The following FNIP2 variants were observed in gnomAD, a reference collection of about 807,000 sequenced individuals.
FNIP2 encodes the protein folliculin interacting protein 2, also known as folliculin-interacting protein 2.
Under a neutral mutation model 108.7 loss-of-function variants are expected in FNIP2, and 32 were observed. The observed-to-expected ratio is 0.29, with a 90% CI of 0.22 to 0.40. FNIP2 has a LOEUF of 0.40. Ranked by LOEUF, FNIP2 falls within the 10% of genes least tolerant of loss-of-function variation. The probability of loss-of-function intolerance (pLI) is 1.00; values close to 1 mark genes in which losing one functional copy is unlikely to be tolerated. For synonymous variants in FNIP2, 480 were observed against 496.7 expected (o/e 0.97, Z 0.45); for missense variants, 1,202 against 1,381.6 (o/e 0.87, Z 2.06).
chr4:158,830,294 C>T (rs1463524484), intron 3 of FNIP2, among the ~76,000 whole-genome samples: 22 of 127,634 alleles, frequency 1.7e-4, no homozygotes, highest in South Asian at 5.0e-4. Flanking sequence ...CTCGCTCTGT[C>T]GCCCAGGCCG....
chr4:158,869,480 C>G, intron 13 of FNIP2, 52 bp downstream of exon 13: 3 of 1,500,482 alleles, frequency 2.0e-6, no homozygotes, highest in Non-Finnish European at 2.7e-6. Flanking sequence ...ATCCCACTTT[C>G]CTGGCCTGAC....
At chr4:158,843,670 T>A (rs137924762) in intron 7 of FNIP2, among the ~76,000 whole-genome samples, 153 of 152,230 alleles carry the variant, frequency 1.0e-3, no homozygotes, top group Non-Finnish European at 1.9e-3. Flanking sequence ...ACAAAGAGCA[T>A]CTTAGGTACG....
At chr4:158,883,375 G>A (rs1290182457) in intron 14 of FNIP2, among the ~76,000 whole-genome samples, 1 of 151,960 alleles carries the variant, frequency 6.6e-6, no homozygotes, top group East Asian at 1.9e-4. Context: ...CCGAGTAGCT[G>A]GGACTACAGG....
In FNIP2 at chr4:158,866,970, CTT is replaced by C. The variant is rs200546737; in HGVS notation, c.1466-1131_1466-1130del. 6.0e-3 allele frequency among the ~76,000 whole-genome samples: 907 copies of C among 152,292 alleles called. 6 individuals are homozygous for C. Among genetic ancestry groups the C allele is most frequent in the African/African-American group, 0.02 (838 of 41,572 alleles). On this transcript the variant is annotated intron_variant, in intron 12 of 16. Coordinates refer to ENST00000264433, the MANE Select transcript of FNIP2 (RefSeq NM_020840.3). Reference sequence around the variant, plus strand: ...GTCCATCTTCTTATCAAATGTGTAACTTATTATAAAATGTAATAATCAAATTA... The same window carrying C: ...GTCCATCTTCTTATCAAATGTGTAACATTATAAAATGTAATAATCAAATTA...
chr4:158,771,677 T>C (rs1775704116), intron 1 of FNIP2, among the ~76,000 whole-genome samples: 1 of 152,242 alleles, frequency 6.6e-6, no homozygotes, highest in Non-Finnish European at 1.5e-5. Flanking sequence ...TATCTGGAGA[T>C]TGAAAATTCA....
chr4:158,826,983 G>T (rs1778195500), intron 2 of FNIP2, among the ~76,000 whole-genome samples: 1 of 152,342 alleles, frequency 6.6e-6, no homozygotes, highest in Non-Finnish European at 1.5e-5. Flanking sequence ...GGGCCAAGGG[G>T]TTGTTTTCCT....
intron 1 of FNIP2, among the ~76,000 whole-genome samples, chr4:158,790,670 C>T (rs1776383025): frequency 6.6e-6 from 1 of 152,070 alleles, no homozygotes; most frequent in East Asian, 1.9e-4. Flanking sequence ...CCACTTGATC[C>T]CAGGAGTTCC....
intron 1 of FNIP2, among the ~76,000 whole-genome samples, chr4:158,797,862 A>G (rs1776638660): frequency 1.3e-5 from 2 of 152,122 alleles, no homozygotes; most frequent in East Asian, 1.9e-4. Context: ...CAGCCTTCCT[A>G]TCACTAGTGT....
At chr4:158,826,676 G>A (rs1778177268) in intron 2 of FNIP2, among the ~76,000 whole-genome samples, 1 of 152,096 alleles carries the variant, frequency 6.6e-6, no homozygotes, top group South Asian at 2.1e-4. Flanking sequence ...TGAGGATAGA[G>A]CAGCTCTTGA....
At chr4:158,845,109 C>T (rs1456982136) in intron 7 of FNIP2, among the ~76,000 whole-genome samples, 5 of 152,166 alleles carry the variant, frequency 3.3e-5, no homozygotes, top group African/African-American at 1.2e-4. Context: ...TCTTTGCAAC[C>T]TATATGCATT....
chr4:158,866,929 G>C (rs1780615937), intron 12 of FNIP2, among the ~76,000 whole-genome samples: 1 of 152,162 alleles, frequency 6.6e-6, no homozygotes, highest in South Asian at 2.1e-4. Flanking sequence ...GTAAACATAG[G>C]TTCTTTATTA....
At chr4:158,857,118 G>A (rs1780029191) in intron 8 of FNIP2, among the ~76,000 whole-genome samples, 1 of 152,196 alleles carries the variant, frequency 6.6e-6, no homozygotes, top group African/African-American at 2.4e-5. Context: ...ATAGGGTGGA[G>A]ATGTTGATGA....
intron 1 of FNIP2, among the ~76,000 whole-genome samples, chr4:158,812,150 C>T (rs1289370623): frequency 6.6e-6 from 1 of 152,172 alleles, no homozygotes. Context: ...CTGGACCTTG[C>T]TTGATGGCAA....
intron 16 of FNIP2, among the ~76,000 whole-genome samples, chr4:158,902,981 C>T (rs1729472878): frequency 6.6e-6 from 1 of 152,198 alleles, no homozygotes; most frequent in Non-Finnish European, 1.5e-5. Context: ...GCCCCCTTTC[C>T]AGGGGAGTGA....
chr4:158,879,170 C>T (rs1781448294), intron 14 of FNIP2, among the ~76,000 whole-genome samples: 1 of 150,302 alleles, frequency 6.7e-6, no homozygotes, highest in Non-Finnish European at 1.5e-5. Flanking sequence ...AGTAAGCACA[C>T]TGACTCCCAA....
chr4:158,817,263 T>G (rs1245564726), intron 1 of FNIP2, among the ~76,000 whole-genome samples: 3 of 152,212 alleles, frequency 2.0e-5, no homozygotes, highest in African/African-American at 7.2e-5. Flanking sequence ...CTTGTACTTT[T>G]CTCCTTCAGA....
At chr4:158,775,498 C>A (rs1775830854) in intron 1 of FNIP2, among the ~76,000 whole-genome samples, 1 of 151,328 alleles carries the variant, frequency 6.6e-6, no homozygotes, top group African/African-American at 2.4e-5. Context: ...CCCACCCCAT[C>A]TGTAAATGGA....
chr4:158,783,568 C>T (rs1432503807), intron 1 of FNIP2, among the ~76,000 whole-genome samples: 1 of 152,134 alleles, frequency 6.6e-6, no homozygotes, highest in Non-Finnish European at 1.5e-5. Flanking sequence ...GGATCTAGAC[C>T]AACTCTGCCT....
Position 158,869,352 on chromosome 4 carries a change from G to A in FNIP2, c.2716G>A (p.Ala906Thr), listed in dbSNP as rs748156165. 42 of 1,612,752 alleles carry A rather than the reference G, an allele frequency of 2.6e-5. No homozygotes were observed. The highest frequency in any genetic ancestry group is 4.5e-5 in the East Asian group (2 of 44,852). Residue 906 changes from alanine (A) to threonine (T), a missense_variant, in exon 13 of 17, where the codon GCT becomes ACT. Physicochemically the swap from Ala to Thr is moderately conservative, Grantham distance 58 (BLOSUM62 0). This residue lies in a region of FNIP2 where 878 missense variants were observed against 990.3 expected (regional missense o/e 0.89). Transcript: ENST00000264433. The part of the protein sequence containing the change: ...ALGDSDDEAC[A>T]SAMLDLGHGG... ...GGGAGACAGTGACGACGAAGCCTGC[G>A]CTTCAGCCATGCTAGATCTGGGTCA...
Sources: allele counts gnomAD v4.1 joint callset (sites outside exome capture counted in the v4.1 genomes callset), GRCh38; gene constraint gnomAD v4.1.1; regional missense constraint gnomAD v4.1.1; transcripts MANE v1.5; gene names NCBI Gene and HGNC (gene_info 2026-07-23, HGNC 2026-07-21).